Variants in ADAMTS3 observed in about 807,000 individuals in gnomAD.
ADAMTS3 encodes the protein ADAM metallopeptidase with thrombospondin type 1 motif 3.
A neutral mutation model predicts 129.0 loss-of-function variants in ADAMTS3; 73 were observed. The ratio of observed to expected loss-of-function variants is 0.57; its 90% CI spans 0.47 to 0.69. The LOEUF (loss-of-function observed/expected upper bound fraction) is 0.69. Ranked by LOEUF, ADAMTS3 falls within the 30% of genes least tolerant of loss-of-function variation. The pLI is 0.00. For synonymous variants in ADAMTS3, 477 were observed against 510.8 expected, an observed-to-expected ratio of 0.93 and a Z score of 0.89; for missense variants, 1,457 against 1,514.5, an observed-to-expected ratio of 0.96 and a Z score of 0.63.
rs551009506 is a variant in ADAMTS3, at chr4:72,502,974, T to G, written c.504+45504A>C. 2.6e-5 allele frequency among the ~76,000 whole-genome samples: 4 copies of G among 152,190 alleles called. 1 individual carries two copies. The South Asian group carries it at 8.3e-4, about 32-fold the overall frequency. On this transcript the variant is annotated intron_variant, in intron 3 of 21. Transcript: ENST00000286657. ...CTACTTATGCTGTATCCTAGATATT[T>G]TTGGTATGTTGTGTCTCTATTTTCA...
At position 72,389,800 on chromosome 4, in the gene ADAMTS3, GTCAA is replaced by G. The variant is rs561392461; in HGVS notation, c.661+25011_661+25014del. Among the ~76,000 whole-genome samples the G allele has an allele frequency of 1.8e-3, 277 of 152,256 alleles. 1 individual carries two copies. Among genetic ancestry groups the G allele is most frequent in the Non-Finnish European group, 2.9e-3 (198 of 68,020 alleles). ...ACCAATATTTAATAGCCATCAACCAGTCAATCAATCAATCACAAATGCTCCACAC... is the reference window on the plus strand; with the variant it reads ...ACCAATATTTAATAGCCATCAACCAGTCAATCAATCACAAATGCTCCACAC... On this transcript the variant is annotated intron_variant, in intron 4 of 21. Transcript: ENST00000286657.
chr4:72,454,310 G>T (rs923724979), intron 3 of ADAMTS3, among the ~76,000 whole-genome samples: 1 of 151,524 alleles, frequency 6.6e-6, no homozygotes, highest in Admixed American at 6.6e-5. Flanking sequence ...CTGTTGAAAG[G>T]ACTAGAATAA....
chr4:72,496,846 C>A (rs1483583716), intron 3 of ADAMTS3, among the ~76,000 whole-genome samples: 3 of 152,012 alleles, frequency 2.0e-5, no homozygotes, highest in Non-Finnish European at 4.4e-5. Context: ...TATATTTCAA[C>A]TCAAATACAC....
intron 5 of ADAMTS3, among the ~76,000 whole-genome samples, chr4:72,323,598 C>G (rs1719622277): frequency 6.6e-6 from 1 of 152,048 alleles, no homozygotes; most frequent in African/African-American, 2.4e-5. Context: ...ATCTGAGGGC[C>G]AGCTAGCAGG....
intron 21 of ADAMTS3, among the ~76,000 whole-genome samples, chr4:72,285,571 C>T (rs1279568593): frequency 6.6e-6 from 1 of 152,028 alleles, no homozygotes; most frequent in Non-Finnish European, 1.5e-5. Flanking sequence ...GAGAAGGAGT[C>T]CAACCAAAGG....
At chr4:72,516,871 C>A (rs1389530373) in intron 3 of ADAMTS3, among the ~76,000 whole-genome samples, 98 of 151,526 alleles carry the variant, frequency 6.5e-4, no homozygotes, top group South Asian at 1.5e-3. Flanking sequence ...TTCCAACACT[C>A]TGTTGAATAG....
chr4:72,362,214 T>A (rs576143684), intron 4 of ADAMTS3, among the ~76,000 whole-genome samples: 3 of 152,232 alleles, frequency 2.0e-5, no homozygotes, highest in Admixed American at 2.0e-4. Context: ...AAGTCTGTAT[T>A]CCACATTATG....
intron 2 of ADAMTS3, among the ~76,000 whole-genome samples, chr4:72,555,260 T>C (rs1721732929): frequency 6.6e-6 from 1 of 151,526 alleles, no homozygotes; most frequent in Non-Finnish European, 1.5e-5. Context: ...CTCTGCACTC[T>C]GCCCCTTATT....
rs71215438 is a variant in ADAMTS3 at position 72,539,491 on chromosome 4, G to GAAAA, written c.504+8983_504+8986dup. Among the ~76,000 whole-genome samples the GAAAA allele has an allele frequency of 5.5e-4, 48 of 86,606 alleles. 2 individuals are homozygous for GAAAA. The highest frequency in any genetic ancestry group is 1.6e-3 in the African/African-American group (38 of 23,378). The allele number at this position is 86,606 out of a possible 152,430, so 56.8% of individuals were successfully genotyped here. ...CCAACCTTTAGGATGGCTACTATCA[G>GAAAA]AAAAAAAAAAAAAAAAAAAAAACAG... is the stretch of plus-strand genomic sequence containing the variant. On this transcript the variant is annotated intron_variant, in intron 3 of 21. Coordinates refer to ENST00000286657, the MANE Select transcript of ADAMTS3 (RefSeq NM_014243.3).
At chr4:72,431,831 TTAAAA>T (rs369400722) in intron 3 of ADAMTS3, among the ~76,000 whole-genome samples, 2 of 151,996 alleles carry the variant, frequency 1.3e-5, no homozygotes, top group African/African-American at 4.8e-5. Flanking sequence ...TTATATATAC[TTAAAA>T]TAACCAAGAA....
intron 3 of ADAMTS3, among the ~76,000 whole-genome samples, chr4:72,485,735 A>T (rs1384903721): frequency 6.6e-6 from 1 of 152,170 alleles, no homozygotes; most frequent in African/African-American, 2.4e-5. Context: ...GAATGTTAGC[A>T]TCCCCCTCAA....
rs1484835506 is a variant in ADAMTS3 at position 72,290,892 on chromosome 4, G to A, written c.2894C>T (p.Pro965Leu). 6.2e-7 allele frequency: 1 copy of A among 1,613,986 alleles called. No homozygotes were observed. Among genetic ancestry groups the A allele is most frequent in the Middle Eastern group, 1.7e-4 (1 of 6,060 alleles). ...TCCTGTTTTCCACTGTGCAGGGCAG[G>A]GCACTCTGTTACAGGGCCGGCGGCT... ...PESRRPCNRV[P>L]CPAQWKTGPW... Residue 965 changes from proline to leucine, a missense_variant, in exon 20 of 22, where the codon CCC becomes CTC. Coordinates refer to ENST00000286657, the MANE Select transcript of ADAMTS3 (RefSeq NM_014243.3).
chr4:72,417,552 C>A (rs570099413), intron 3 of ADAMTS3, among the ~76,000 whole-genome samples: 1 of 152,232 alleles, frequency 6.6e-6, no homozygotes, highest in Non-Finnish European at 1.5e-5. Flanking sequence ...AGAGTTGGAT[C>A]AAGTGACATC....
chr4:72,460,035 A>T (rs1369876390), intron 3 of ADAMTS3, among the ~76,000 whole-genome samples: 1 of 151,566 alleles, frequency 6.6e-6, no homozygotes, highest in African/African-American at 2.4e-5. Context: ...ATTTTGGAAC[A>T]TATCAGATTT....
chr4:72,556,659 T>C (rs2623534), intron 2 of ADAMTS3, among the ~76,000 whole-genome samples: 146,185 of 151,758 alleles, frequency 0.96, 70,813 homozygotes, highest in East Asian at 1. Flanking sequence ...TGCATTTGAA[T>C]TCTAGTTCCT....
chr4:72,529,496 G>A (rs1388748712), intron 3 of ADAMTS3, among the ~76,000 whole-genome samples: 1 of 150,514 alleles, frequency 6.6e-6, no homozygotes, highest in Non-Finnish European at 1.5e-5. Context: ...ATCATTTGTA[G>A]AGGCATTCAA....
intron 3 of ADAMTS3, among the ~76,000 whole-genome samples, chr4:72,544,382 C>T (rs2109782819): frequency 6.6e-6 from 1 of 152,112 alleles, no homozygotes; most frequent in East Asian, 1.9e-4. Context: ...TTAAATCATA[C>T]AACTTAATTT....
chr4:72,432,734 A>G (rs1731805347), intron 3 of ADAMTS3, among the ~76,000 whole-genome samples: 1 of 151,944 alleles, frequency 6.6e-6, no homozygotes, highest in Non-Finnish European at 1.5e-5. Context: ...TGCTGATGGT[A>G]TCAAGGACCA....
chr4:72,461,763 C>CTTG (rs1313534191), intron 3 of ADAMTS3, among the ~76,000 whole-genome samples: 1 of 151,812 alleles, frequency 6.6e-6, no homozygotes, highest in Non-Finnish European at 1.5e-5. Flanking sequence ...ATTTCATTTA[C>CTTG]TTGGTATAAG....
Sources: allele counts gnomAD v4.1 joint callset (sites outside exome capture counted in the v4.1 genomes callset), GRCh38; gene constraint gnomAD v4.1.1; transcripts MANE v1.5; gene names NCBI Gene and HGNC (gene_info 2026-07-23, HGNC 2026-07-21).